Variants in GRID2 observed in about 807,000 individuals in gnomAD.
GRID2 encodes glutamate receptor ionotropic, delta-2.
A neutral mutation model predicts 114.8 loss-of-function variants in GRID2; 33 were observed. That is an observed-to-expected ratio of 0.29 (90% confidence interval 0.22 to 0.38). The LOEUF is 0.38. Among genes scored for constraint, GRID2 ranks in the 10% least tolerant of loss-of-function variants. GRID2 has a pLI of 1.00. For missense variants in GRID2, 1,184 were observed against 1,257.7 expected (o/e 0.94, Z 0.89); for synonymous variants, 505 against 449.9 (o/e 1.12, Z -1.55).
At chr4:93,431,281 G>A (rs541933311) in intron 10 of GRID2, among the ~76,000 whole-genome samples, 1 of 152,274 alleles carries the variant, frequency 6.6e-6, no homozygotes, top group Admixed American at 6.5e-5. Context: ...ACATTTGGGA[G>A]TCAGCAACCT....
intron 1 of GRID2, among the ~76,000 whole-genome samples, chr4:92,336,954 G>GTTTTTTTTTTTTTTTTTTT (rs59093874): frequency 1.3e-5 from 1 of 78,190 alleles, no homozygotes; most frequent in Non-Finnish European, 2.3e-5. Flanking sequence ...TTTCGTTGTT[G>GTTTTTTTTTTTTTTTTTTT]TTTTTTTTTT....
rs1399014050 is a variant in GRID2, at chr4:93,314,288, C to A, written c.1245+75798C>A. 8.7e-5 allele frequency among the ~76,000 whole-genome samples: 10 copies of A among 114,534 alleles called. No individual in the cohort carries two copies. The Admixed American group carries it at 1.1e-3, about 13-fold the overall frequency. 75.1% of individuals were successfully genotyped at this position (114,534 alleles called of 152,430 possible). A position where few individuals can be genotyped will look rare whatever the true frequency, so the allele number is the denominator to read the frequency against. ...CACCGCATTCCAGCCTGGGTGACATCGTGAGAGTCTGTCTCAAAAAAAAAA... is the reference window on the plus strand; with the variant it reads ...CACCGCATTCCAGCCTGGGTGACATAGTGAGAGTCTGTCTCAAAAAAAAAA... On this transcript the variant is annotated intron_variant, in intron 8 of 15. Coordinates refer to ENST00000282020, the MANE Select transcript of GRID2 (RefSeq NM_001510.4).
At chr4:93,567,873 T>G (rs532318960) in intron 13 of GRID2, among the ~76,000 whole-genome samples, 29 of 152,348 alleles carry the variant, frequency 1.9e-4, no homozygotes, top group African/African-American at 6.7e-4. Flanking sequence ...AAATGTTTTA[T>G]AGGCTGTCTG....
At chr4:92,826,618 G>C (rs1741720042) in intron 2 of GRID2, among the ~76,000 whole-genome samples, 1 of 152,096 alleles carries the variant, frequency 6.6e-6, no homozygotes, top group Non-Finnish European at 1.5e-5. Flanking sequence ...TTTGTCAAAT[G>C]CATGAATCAT....
intron 14 of GRID2, among the ~76,000 whole-genome samples, chr4:93,659,202 A>G (rs956560005): frequency 2.6e-5 from 4 of 152,184 alleles, no homozygotes; most frequent in African/African-American, 9.7e-5. Context: ...TAAAAGGGCC[A>G]TATGACATCC....
At chr4:93,501,654 A>C (rs1728119141) in intron 12 of GRID2, among the ~76,000 whole-genome samples, 1 of 152,046 alleles carries the variant, frequency 6.6e-6, no homozygotes, top group African/African-American at 2.4e-5. Flanking sequence ...TTTCAAAGCC[A>C]CCTTTCAGTG....
At chr4:92,847,845 A>G (rs1217536349) in intron 2 of GRID2, among the ~76,000 whole-genome samples, 1 of 152,058 alleles carries the variant, frequency 6.6e-6, no homozygotes, top group African/African-American at 2.4e-5. Flanking sequence ...AATAAAGTAT[A>G]CTAAAATACT....
At chr4:93,348,605 T>G (rs549408210) in intron 8 of GRID2, among the ~76,000 whole-genome samples, 213 of 152,290 alleles carry the variant, frequency 1.4e-3, no homozygotes, top group African/African-American at 4.8e-3. Flanking sequence ...AATTATTCTT[T>G]GGAAGATGAG....
At chr4:93,391,220 C>T (rs1764822088) in intron 8 of GRID2, among the ~76,000 whole-genome samples, 1 of 152,186 alleles carries the variant, frequency 6.6e-6, no homozygotes, top group Non-Finnish European at 1.5e-5. Flanking sequence ...TGGCACACTG[C>T]ATTCATTCAC....
At chr4:92,461,993 A>G (rs964757437) in intron 1 of GRID2, among the ~76,000 whole-genome samples, 4 of 151,968 alleles carry the variant, frequency 2.6e-5, no homozygotes, top group Non-Finnish European at 5.9e-5. Context: ...AGCTATTTCT[A>G]TACAAATAGA....
chr4:93,046,185 C>T (rs1726116425), intron 2 of GRID2, among the ~76,000 whole-genome samples: 1 of 151,992 alleles, frequency 6.6e-6, no homozygotes, highest in African/African-American at 2.4e-5. Context: ...ATGAAATGCT[C>T]TTCTAGTGTT....
intron 2 of GRID2, among the ~76,000 whole-genome samples, chr4:92,743,676 A>G (rs1737007018): frequency 6.6e-6 from 1 of 152,206 alleles, no homozygotes; most frequent in Non-Finnish European, 1.5e-5. Context: ...GGAATAAATC[A>G]GTGTCCATGT....
intron 2 of GRID2, among the ~76,000 whole-genome samples, chr4:92,858,861 C>G (rs1744344168): frequency 6.6e-6 from 1 of 152,044 alleles, no homozygotes; most frequent in Non-Finnish European, 1.5e-5. Context: ...TGGCCAGGAG[C>G]TGGTTTTTAT....
intron 2 of GRID2, among the ~76,000 whole-genome samples, chr4:92,697,737 G>A (rs1734488900): frequency 6.6e-6 from 1 of 152,146 alleles, no homozygotes; most frequent in Non-Finnish European, 1.5e-5. Context: ...AATGCGAATT[G>A]TGAGTATAGG....
At chr4:92,576,816 G>C (rs1207070458) in intron 1 of GRID2, among the ~76,000 whole-genome samples, 1 of 152,010 alleles carries the variant, frequency 6.6e-6, no homozygotes, top group Admixed American at 6.6e-5. Flanking sequence ...CTCCTGGGTG[G>C]GCCATTGCTC....
intron 4 of GRID2, among the ~76,000 whole-genome samples, chr4:93,164,152 CG>C (rs369809991): frequency 9.3e-5 from 14 of 150,310 alleles, no homozygotes; most frequent in Middle Eastern, 3.4e-3. Context: ...AAACCAAGCC[CG>C]GGGGGGGAAA....
rs149630914 is a variant in GRID2 at position 92,951,175 on chromosome 4, A to G, written c.245-133820A>G. ...TTTTCTGATGTTTTCACTACTGTTT[A>G]TTATTTCCATGGTTGTCATCACTAC... is the stretch of plus-strand genomic sequence containing the variant. On this transcript the variant is annotated intron_variant, in intron 2 of 15. Coordinates refer to ENST00000282020, the MANE Select transcript of GRID2 (RefSeq NM_001510.4). Among the ~76,000 whole-genome samples, 46 of 152,068 alleles carry G rather than the reference A, an allele frequency of 3.0e-4. No homozygotes were observed. In the East Asian group the frequency reaches 7.1e-3, roughly 24 times the overall value.
chr4:93,576,095 A>G (rs1156553157), intron 13 of GRID2, among the ~76,000 whole-genome samples: 1 of 152,236 alleles, frequency 6.6e-6, no homozygotes, highest in Admixed American at 6.5e-5. Context: ...TACCTGTAAC[A>G]TCCTATGATA....
chr4:93,159,134 A>C (rs1002801561), intron 4 of GRID2, among the ~76,000 whole-genome samples: 13 of 151,066 alleles, frequency 8.6e-5, no homozygotes, highest in African/African-American at 3.2e-4. Context: ...TAAATTTCCT[A>C]GCAGTTGCCT....
Sources: allele counts gnomAD v4.1 joint callset (sites outside exome capture counted in the v4.1 genomes callset), GRCh38; gene constraint gnomAD v4.1.1; transcripts MANE v1.5; gene names NCBI Gene and HGNC (gene_info 2026-07-23, HGNC 2026-07-21).